The following NTF3 variants were observed in gnomAD, a reference collection of about 807,000 sequenced individuals.
NTF3 encodes the protein neurotrophin-3.
NTF3 carries 8 observed loss-of-function variants against 26.3 expected under a neutral mutation model. That is an observed-to-expected ratio of 0.30 (90% CI 0.18 to 0.55). The LOEUF (loss-of-function observed/expected upper bound fraction) is 0.55, where lower values mean the gene tolerates loss of function less well. NTF3 is among the 20% of genes least tolerant of loss of function. The pLI is 0.93. For synonymous variants in NTF3, 154 were observed against 145.5 expected (o/e 1.06, Z -0.42); for missense variants, 276 against 352.9 (o/e 0.78, Z 1.75).
chr12:5,494,087 C>A lies in NTF3; in HGVS notation c.19-107C>A. ...TGCCTTGCTTACCTGGGGGGCGGTA[C>A]CCTCTCTCGTGCCCTCACAGGGCTA... On this transcript the variant is annotated intron_variant, in intron 1 of 1. Transcript: ENST00000423158. The surrounding 1 kb of genome is among the most constrained non-coding windows in gnomAD (Gnocchi z 8.3). The A allele has an allele frequency of 2.0e-6, 2 of 1,021,684 alleles. No individual in the cohort carries two copies. Among genetic ancestry groups the A allele is most frequent in the Non-Finnish European group, 1.4e-6 (1 of 697,162 alleles). The allele number at this position is 1,021,684 out of a possible 1,614,324, so 63.3% of individuals were successfully genotyped here. A position where few individuals can be genotyped will look rare whatever the true frequency, so the allele number is the denominator to read the frequency against.
intron 1 of NTF3, among the ~76,000 whole-genome samples, chr12:5,466,942 C>T (rs1424945560): frequency 3.9e-5 from 6 of 152,006 alleles, no homozygotes; most frequent in African/African-American, 7.2e-5. Context: ...CTTAAAAAGT[C>T]GGGTGCTTGG....
intron 1 of NTF3, among the ~76,000 whole-genome samples, chr12:5,448,385 G>C (rs1352888742): frequency 6.6e-6 from 1 of 152,032 alleles, no homozygotes; most frequent in Admixed American, 6.6e-5. Flanking sequence ...GAGTTGGGTG[G>C]TTGCTAATTC....
chr12:5,443,387 G>A (rs1940263881), intron 1 of NTF3, among the ~76,000 whole-genome samples: 1 of 152,156 alleles, frequency 6.6e-6, no homozygotes, highest in Non-Finnish European at 1.5e-5. Flanking sequence ...ATACCTGGAT[G>A]CAGGGCCCTG....
At chr12:5,488,518 T>G (rs1298367921) in intron 1 of NTF3, among the ~76,000 whole-genome samples, 2 of 152,236 alleles carry the variant, frequency 1.3e-5, no homozygotes, top group Admixed American at 1.3e-4. Context: ...GTGGCCCCAT[T>G]GACTAATTCT....
At chr12:5,492,331 T>C (rs912699615) in intron 1 of NTF3, among the ~76,000 whole-genome samples, 11 of 152,230 alleles carry the variant, frequency 7.2e-5, no homozygotes, top group Admixed American at 7.2e-4. Context: ...TTACAGTGGC[T>C]GAGCTTTTGG....
intron 1 of NTF3, among the ~76,000 whole-genome samples, chr12:5,432,602 C>G (rs12309884): frequency 0.029 from 3,894 of 132,620 alleles, 81 homozygotes; most frequent in African/African-American, 0.054. Context: ...CACACACACA[C>G]ACACAGACAC....
chr12:5,447,538 T>C (rs1940321218), intron 1 of NTF3, among the ~76,000 whole-genome samples: 1 of 152,238 alleles, frequency 6.6e-6, no homozygotes, highest in South Asian at 2.1e-4. Flanking sequence ...TCAATCACTG[T>C]ACGCACAACC....
intron 1 of NTF3, among the ~76,000 whole-genome samples, chr12:5,432,613 G>A (rs1380692798): frequency 3.2e-5 from 4 of 126,040 alleles, no homozygotes; most frequent in Non-Finnish European, 5.1e-5. Context: ...ACACAGACAC[G>A]GACACCCTTC....
At chr12:5,431,938 C>T (rs1007970696), upstream of NTF3, among the ~76,000 whole-genome samples, 2 of 148,702 alleles carry the variant, frequency 1.3e-5, no homozygotes, top group South Asian at 4.2e-4. Context: ...ACCCCTTCCC[C>T]GCCACGGGTC....
At chr12:5,480,148 T>C (rs1207623565) in intron 1 of NTF3, among the ~76,000 whole-genome samples, 1 of 152,134 alleles carries the variant, frequency 6.6e-6, no homozygotes, top group Non-Finnish European at 1.5e-5. Context: ...AAACCTTGCA[T>C]GGGGTTGTGC....
At chr12:5,471,634 G>A (rs555333138) in intron 1 of NTF3, among the ~76,000 whole-genome samples, 56 of 151,430 alleles carry the variant, frequency 3.7e-4, no homozygotes, top group African/African-American at 1.1e-3. Context: ...GTTCTGGATG[G>A]AGGGCAGTGA....
chr12:5,456,433 A>C lies in NTF3; in HGVS notation c.18+24091A>C, dbSNP rs1433476085. On this transcript the variant is annotated intron_variant, in intron 1 of 1. Transcript: ENST00000423158. This position sits in a 1 kb window ranked among gnomAD's most constrained non-coding sequence, Gnocchi z 4.4. ...ACCCTGGGAGCTGTGTACCCCTCAGACCCAGTTGGAACCCAGCCAAGAGTA... is the reference window on the plus strand; with the variant it reads ...ACCCTGGGAGCTGTGTACCCCTCAGCCCCAGTTGGAACCCAGCCAAGAGTA... Among the ~76,000 whole-genome samples the C allele has an allele frequency of 6.6e-6, 1 of 152,040 alleles. No homozygotes were observed. The highest frequency in any genetic ancestry group is 1.5e-5 in the Non-Finnish European group (1 of 68,012).
chr12:5,469,033 A>T (rs1423881517), intron 1 of NTF3, among the ~76,000 whole-genome samples: 1 of 151,934 alleles, frequency 6.6e-6, no homozygotes, highest in Non-Finnish European at 1.5e-5. Context: ...AGGTGGGAGG[A>T]TCGCTTGAGC....
intron 1 of NTF3, among the ~76,000 whole-genome samples, chr12:5,483,514 C>T (rs565477952): frequency 2.0e-5 from 3 of 152,174 alleles, no homozygotes; most frequent in Admixed American, 6.5e-5. Flanking sequence ...TACAAGATGA[C>T]GGCTCATCTC....
At chr12:5,442,262 C>T (rs1940246878) in intron 1 of NTF3, among the ~76,000 whole-genome samples, 1 of 152,210 alleles carries the variant, frequency 6.6e-6, no homozygotes, top group African/African-American at 2.4e-5. Flanking sequence ...CAGGAGCAAG[C>T]TGGAGGGTCC....
Position 5,432,266 on chromosome 12 carries a change from G to A in NTF3, c.-59G>A. On this transcript the variant is annotated 5_prime_UTR_variant, in exon 1 of 2. Transcript: ENST00000423158. The stretch of plus-strand genomic sequence containing the variant: ...GGGGTGGGGGAGACTTTGAATGACC[G>A]AGCTCGCGTCCACCTTTCTCTTCAT... The A allele has an allele frequency of 1.9e-6, 3 of 1,603,398 alleles. No individual in the cohort carries two copies. The highest frequency in any genetic ancestry group is 2.7e-5 in the African/African-American group (2 of 74,794).
rs1333015848 is a variant in NTF3 at position 5,494,037 on chromosome 12, C to T, written c.19-157C>T. ...CCCGGGGGTGGGGGAAAGAAATCAC[C>T]TCTTCAGAATGTCCAGAGGGGAGTT... On this transcript the variant is annotated intron_variant, in intron 1 of 1. Transcript: ENST00000423158. The surrounding 1 kb of genome is among the most constrained non-coding windows in gnomAD (Gnocchi z 8.3). The T allele has an allele frequency of 1.6e-6, 1 of 644,998 alleles. No individual in the cohort carries two copies. Among genetic ancestry groups the T allele is most frequent in the African/African-American group, 1.8e-5 (1 of 54,556 alleles). The allele number at this position is 644,998 out of a possible 1,614,324, so 40.0% of individuals were successfully genotyped here. A position where few individuals can be genotyped will look rare whatever the true frequency, so the allele number is the denominator to read the frequency against.
chr12:5,436,138 G>C (rs1441102546), intron 1 of NTF3, among the ~76,000 whole-genome samples: 1 of 152,216 alleles, frequency 6.6e-6, no homozygotes, highest in African/African-American at 2.4e-5. Flanking sequence ...AGTGAAGGCT[G>C]TGCTTTTGTG....
intron 1 of NTF3, among the ~76,000 whole-genome samples, chr12:5,470,597 A>G (rs2121209398): frequency 6.6e-6 from 1 of 152,290 alleles, no homozygotes; most frequent in African/African-American, 2.4e-5. Context: ...CCATGGCTGC[A>G]GGGCAGGGGG....
Sources: gnomAD v4.1 joint callset for allele counts (sites outside exome capture counted in the v4.1 genomes callset) on GRCh38, gnomAD v4.1.1 for gene constraint, Gnocchi (gnomAD v3.1) non-coding constraint, MANE v1.5 for transcripts, NCBI Gene and HGNC (gene_info 2026-07-23, HGNC 2026-07-21) for gene names.